Variants in KPNA3 observed in about 807,000 individuals in gnomAD.
The protein encoded by KPNA3 is importin subunit alpha-4.
KPNA3 carries 13 observed loss-of-function variants against 73.8 expected under a neutral mutation model. That is an observed-to-expected ratio of 0.18 (90% CI 0.11 to 0.28). The LOEUF is 0.28. Ranked by LOEUF, KPNA3 falls within the 10% of genes least tolerant of loss-of-function variation. The pLI, the probability that KPNA3 is intolerant of heterozygous loss-of-function variation, is 1.00. For synonymous variants in KPNA3, 186 were observed against 206.9 expected (o/e 0.90, Z 0.87); for missense variants, 360 against 618.1 (o/e 0.58, Z 4.43).
intron 1 of KPNA3, among the ~76,000 whole-genome samples, chr13:49,781,338 G>A (rs557351837): frequency 6.6e-6 from 1 of 152,310 alleles, no homozygotes; most frequent in Admixed American, 6.5e-5. Flanking sequence ...GAGTTTTAAA[G>A]TTGGAAATCT....
chr13:49,729,467 T>C (rs1040530229), intron 6 of KPNA3, among the ~76,000 whole-genome samples: 4 of 151,994 alleles, frequency 2.6e-5, no homozygotes, highest in African/African-American at 9.7e-5. Context: ...AGAAAAGATA[T>C]AGAAAAAACG....
At chr13:49,772,982 T>C (rs1447764047) in intron 1 of KPNA3, among the ~76,000 whole-genome samples, 1 of 152,150 alleles carries the variant, frequency 6.6e-6, no homozygotes, top group African/African-American at 2.4e-5. Flanking sequence ...ACAACTCAAA[T>C]GGCCAACGGT....
At chr13:49,750,219 G>A (rs1954650502) in intron 1 of KPNA3, among the ~76,000 whole-genome samples, 1 of 152,152 alleles carries the variant, frequency 6.6e-6, no homozygotes, top group African/African-American at 2.4e-5. Context: ...CAGGCTATCT[G>A]TTTCTGTAGG....
intron 1 of KPNA3, among the ~76,000 whole-genome samples, chr13:49,779,814 C>A (rs956390384): frequency 1.3e-5 from 2 of 152,134 alleles, no homozygotes; most frequent in East Asian, 1.9e-4. Context: ...CCTCCACCAC[C>A]CTCAGTTTTC....
chr13:49,712,898 C>G (rs1334624605), intron 10 of KPNA3, among the ~76,000 whole-genome samples: 1 of 149,176 alleles, frequency 6.7e-6, no homozygotes, highest in African/African-American at 2.5e-5. Flanking sequence ...AAAAAAAACA[C>G]AGGGACATTA....
chr13:49,723,951 ACAT>A (rs1954384921), intron 7 of KPNA3, among the ~76,000 whole-genome samples: 1 of 152,148 alleles, frequency 6.6e-6, no homozygotes, highest in Admixed American at 6.5e-5. Flanking sequence ...CCTCTGCCAC[ACAT>A]TCCCCAAGCG....
chr13:49,734,551 A>G (rs1413682082), intron 2 of KPNA3, among the ~76,000 whole-genome samples: 1 of 152,198 alleles, frequency 6.6e-6, no homozygotes, highest in East Asian at 1.9e-4. Context: ...AAAGGAATGT[A>G]GTGTTATTTA....
chr13:49,748,802 T>A (rs927513228), intron 1 of KPNA3, among the ~76,000 whole-genome samples: 1 of 152,130 alleles, frequency 6.6e-6, no homozygotes, highest in African/African-American at 2.4e-5. Context: ...AATTCTATAT[T>A]TAGTATGTTT....
chr13:49,763,286 G>A (rs554243875), intron 1 of KPNA3, among the ~76,000 whole-genome samples: 4 of 152,090 alleles, frequency 2.6e-5, no homozygotes, highest in Non-Finnish European at 5.9e-5. Context: ...CTGAACAGAT[G>A]GGTTTTACAG....
At position 49,713,667 on chromosome 13, in the gene KPNA3, ACACACAC is replaced by A. The variant is rs769824854; in HGVS notation, c.772-2652_772-2646del. Among the ~76,000 whole-genome samples the A allele has an allele frequency of 5.3e-5, 8 of 151,692 alleles. No individual in the cohort carries two copies. In the East Asian group the frequency reaches 1.6e-3, roughly 30 times the overall value. Reference sequence around the variant, plus strand: ...CACACACACACACACACACACACACACACACACAAAACAGAAAAACCCAACAACAAAA... The same window carrying A: ...CACACACACACACACACACACACACAAAAACAGAAAAACCCAACAACAAAA... On this transcript the variant is annotated intron_variant, in intron 10 of 16. Transcript: ENST00000261667.
chr13:49,754,896 T>G (rs896391441), intron 1 of KPNA3, among the ~76,000 whole-genome samples: 21 of 152,128 alleles, frequency 1.4e-4, no homozygotes, highest in African/African-American at 4.8e-4. Context: ...TTTTAAAACT[T>G]CCCTTCAGGG....
At position 49,701,513 on chromosome 13, in the gene KPNA3, A is replaced by T. The variant is rs1191379544; in HGVS notation, c.*287T>A. On this transcript the variant is annotated 3_prime_UTR_variant, in exon 17 of 17. Coordinates refer to ENST00000261667, the MANE Select transcript of KPNA3 (RefSeq NM_002267.4). ...ATGGAATATTTATTCTAAACTGGAG[A>T]CTGCAGTTGTCAGCCTGTGGCACCA... The T allele has an allele frequency of 3.8e-6, 2 of 520,400 alleles. No individual in the cohort carries two copies. Among genetic ancestry groups the T allele is most frequent in the Non-Finnish European group, 7.7e-6 (2 of 259,626 alleles). The allele number at this position is 520,400 out of a possible 1,614,324, so 32.2% of individuals were successfully genotyped here.
chr13:49,782,635 T>C (rs560187339), intron 1 of KPNA3, among the ~76,000 whole-genome samples: 2 of 152,032 alleles, frequency 1.3e-5, no homozygotes, highest in Non-Finnish European at 2.9e-5. Flanking sequence ...TCCCAGCACT[T>C]TGGGAGGCTG....
chr13:49,731,866 T>C (rs1954473194), intron 6 of KPNA3, among the ~76,000 whole-genome samples: 1 of 152,212 alleles, frequency 6.6e-6, no homozygotes, highest in Non-Finnish European at 1.5e-5. Flanking sequence ...ATTCTTAATT[T>C]GCAGCAAACA....
chr13:49,775,756 T>A (rs567536651), intron 1 of KPNA3, among the ~76,000 whole-genome samples: 10 of 152,236 alleles, frequency 6.6e-5, no homozygotes, highest in Non-Finnish European at 1.3e-4. Flanking sequence ...GTCCCTTGAA[T>A]AGAAGGATCT....
chr13:49,712,702 A>T (rs545856113), intron 10 of KPNA3, among the ~76,000 whole-genome samples: 1 of 152,288 alleles, frequency 6.6e-6, no homozygotes, highest in African/African-American at 2.4e-5. Context: ...AAATAGAATA[A>T]GCTCATGCAT....
At chr13:49,779,727 A>T (rs552389537) in intron 1 of KPNA3, among the ~76,000 whole-genome samples, 1 of 152,222 alleles carries the variant, frequency 6.6e-6, no homozygotes, top group East Asian at 1.9e-4. Flanking sequence ...ACTACCAAAT[A>T]TTTAAATCAA....
At chr13:49,734,936 T>TAGAGAGAGAGAGAG (rs1270805373) in intron 2 of KPNA3, among the ~76,000 whole-genome samples, 5 of 144,972 alleles carry the variant, frequency 3.4e-5, no homozygotes, top group South Asian at 2.2e-4. Flanking sequence ...TATATATATA[T>TAGAGAGAGAGAGAG]ATAGAGAGAG....
In KPNA3 at chr13:49,753,026, C is replaced by CAAAAAAAAAA. The variant is rs71078888; in HGVS notation, c.70-6043_70-6034dup. 1.2e-4 allele frequency among the ~76,000 whole-genome samples: 10 copies of CAAAAAAAAAA among 82,208 alleles called. 2 individuals are homozygous for CAAAAAAAAAA. Among genetic ancestry groups the CAAAAAAAAAA allele is most frequent in the Admixed American group, 2.8e-4 (2 of 7,166 alleles). 53.9% of individuals were successfully genotyped at this position (82,208 alleles called of 152,430 possible). Reference sequence around the variant, plus strand: ...TGGGTGACAGAGCGAGACTCTGTCTCAAAAAAAAAAAAAAAAAAAAAAAAA... The same window carrying CAAAAAAAAAA: ...TGGGTGACAGAGCGAGACTCTGTCTCAAAAAAAAAAAAAAAAAAAAAAAAAAAAAAAAAAA... On this transcript the variant is annotated intron_variant, in intron 1 of 16. Transcript: ENST00000261667.
Sources: allele counts gnomAD v4.1 joint callset (sites outside exome capture counted in the v4.1 genomes callset), GRCh38; gene constraint gnomAD v4.1.1; transcripts MANE v1.5; gene names NCBI Gene and HGNC (gene_info 2026-07-23, HGNC 2026-07-21).